The following FUT8 variants were observed in gnomAD, a reference collection of about 807,000 sequenced individuals.
FUT8 encodes alpha-(1,6)-fucosyltransferase.
In FUT8, 29 loss-of-function variants were observed where a neutral mutation model predicts 71.3. The ratio of observed to expected loss-of-function variants is 0.41; its 90% CI spans 0.30 to 0.55. The LOEUF is 0.55. FUT8 is among the 20% of genes least tolerant of loss of function. The pLI, the probability that FUT8 is intolerant of heterozygous loss-of-function variation, is 0.34. For missense variants in FUT8, 544 were observed against 702.1 expected, an observed-to-expected ratio of 0.77 and a Z score of 2.55; for synonymous variants, 254 against 239.3, an observed-to-expected ratio of 1.06 and a Z score of -0.57.
chr14:65,548,237 C>A (rs986767517), intron 2 of FUT8, among the ~76,000 whole-genome samples: 1 of 151,828 alleles, frequency 6.6e-6, no homozygotes, highest in African/African-American at 2.4e-5. Context: ...ATAATCATCC[C>A]CTCCTTGTAC....
intron 9 of FUT8, among the ~76,000 whole-genome samples, chr14:65,727,552 T>C (rs751483291): frequency 2.0e-5 from 3 of 152,138 alleles, no homozygotes; most frequent in Non-Finnish European, 2.9e-5. Context: ...GTCCCTAGAC[T>C]GAACACAGCA....
intron 8 of FUT8, among the ~76,000 whole-genome samples, chr14:65,722,951 G>T (rs1178520668): frequency 6.6e-6 from 1 of 152,074 alleles, no homozygotes; most frequent in African/African-American, 2.4e-5. Flanking sequence ...AATTTGGGGG[G>T]AGGGGAAGGC....
intron 9 of FUT8, among the ~76,000 whole-genome samples, chr14:65,725,121 T>C (rs1041548065): frequency 3.0e-4 from 46 of 152,184 alleles, no homozygotes; most frequent in Non-Finnish European, 6.2e-4. Flanking sequence ...CTTATAATAA[T>C]TTGTGGAATT....
chr14:65,374,088 G>A, the FUT8 span, among the ~76,000 whole-genome samples: 1 of 152,174 alleles, frequency 6.6e-6, no homozygotes. Flanking sequence ...TCTCAGACTC[G>A]TTGATCTGTT....
chr14:65,536,884 C>A (rs555679623), intron 2 of FUT8, among the ~76,000 whole-genome samples: 1 of 151,952 alleles, frequency 6.6e-6, no homozygotes, highest in Non-Finnish European at 1.5e-5. Context: ...TCAAGGATGC[C>A]GATGAGTTGT....
chr14:65,534,459 T>C (rs1410716225), intron 2 of FUT8, among the ~76,000 whole-genome samples: 2 of 152,104 alleles, frequency 1.3e-5, no homozygotes, highest in East Asian at 3.9e-4. Flanking sequence ...CTCAATTTTT[T>C]TGTAATAGTT....
At chr14:65,563,501 G>A (rs1886026685) in intron 3 of FUT8, among the ~76,000 whole-genome samples, 1 of 151,896 alleles carries the variant, frequency 6.6e-6, no homozygotes, top group Admixed American at 6.6e-5. Flanking sequence ...TAACTGTATT[G>A]CCTTCCTGAG....
chr14:65,554,400 G>C (rs936754761), intron 2 of FUT8, among the ~76,000 whole-genome samples: 34 of 139,064 alleles, frequency 2.4e-4, no homozygotes, highest in Admixed American at 1.0e-3. Flanking sequence ...CTATGGTTTG[G>C]GTTTTTTTTT....
chr14:65,533,490 T>G (rs1594746560), intron 2 of FUT8, among the ~76,000 whole-genome samples: 1 of 152,194 alleles, frequency 6.6e-6, no homozygotes, highest in African/African-American at 2.4e-5. Flanking sequence ...GTAGTGATTT[T>G]TGTACATTTA....
chr14:65,465,259 C>T (rs1264033374), intron 2 of FUT8, among the ~76,000 whole-genome samples: 1 of 152,114 alleles, frequency 6.6e-6, no homozygotes, highest in Non-Finnish European at 1.5e-5. Context: ...TTTTACCTTT[C>T]TTCTTTTTTA....
chr14:65,464,268 T>TTG (rs1187996886), intron 2 of FUT8, among the ~76,000 whole-genome samples: 2 of 150,772 alleles, frequency 1.3e-5, no homozygotes, highest in Non-Finnish European at 3.0e-5. Context: ...GGTTTTTTTT[T>TTG]TTTTTTTTTT....
At chr14:65,633,751 C>T (rs1348730263) in intron 6 of FUT8, among the ~76,000 whole-genome samples, 2 of 151,908 alleles carry the variant, frequency 1.3e-5, no homozygotes, top group Non-Finnish European at 2.9e-5. Context: ...AGGCAGCCGC[C>T]CCGTCTGAGA....
intron 6 of FUT8, among the ~76,000 whole-genome samples, chr14:65,655,732 T>C (rs1258513888): frequency 6.6e-6 from 1 of 152,152 alleles, no homozygotes; most frequent in Non-Finnish European, 1.5e-5. Context: ...ATGGAAGCAT[T>C]AGACCGAAAA....
intron 9 of FUT8, among the ~76,000 whole-genome samples, chr14:65,729,034 GTTTTTTTTT>G (rs557668131): frequency 9.6e-6 from 1 of 103,664 alleles, no homozygotes; most frequent in Non-Finnish European, 1.8e-5. Flanking sequence ...TTGTAAACAT[GTTTTTTTTT>G]TTTTTTTTTT....
intron 7 of FUT8, among the ~76,000 whole-genome samples, chr14:65,696,287 A>T (rs188245840): frequency 1.3e-5 from 2 of 152,350 alleles, no homozygotes; most frequent in Non-Finnish European, 2.9e-5. Flanking sequence ...ATTCTTAATT[A>T]TCCTTCAAAA....
intron 6 of FUT8, among the ~76,000 whole-genome samples, chr14:65,655,289 C>T (rs1253362680): frequency 2.6e-5 from 4 of 151,458 alleles, no homozygotes; most frequent in South Asian, 2.1e-4. Context: ...CTGGCTAACA[C>T]GGTGAAACCC....
At chr14:65,681,427 A>C (rs1325064525) in intron 7 of FUT8, among the ~76,000 whole-genome samples, 1 of 152,236 alleles carries the variant, frequency 6.6e-6, no homozygotes, top group Non-Finnish European at 1.5e-5. Flanking sequence ...AAATTTCACT[A>C]GAATTAATCC....
intron 2 of FUT8, chr14:65,471,076 A>T (rs757582604): frequency 3.2e-5 from 15 of 466,784 alleles, no homozygotes; most frequent in Non-Finnish European, 8.8e-6. Context: ...CCTGTGTTGT[A>T]CAAGAGCTGT....
intron 2 of FUT8, among the ~76,000 whole-genome samples, chr14:65,514,536 A>G (rs1415875472): frequency 6.6e-6 from 1 of 152,204 alleles, no homozygotes; most frequent in South Asian, 2.1e-4. Flanking sequence ...TGAGGGTCTT[A>G]TCTTAGCTAC....
Sources: allele counts gnomAD v4.1 joint callset (sites outside exome capture counted in the v4.1 genomes callset), GRCh38; gene constraint gnomAD v4.1.1; transcripts MANE v1.5; gene names NCBI Gene and HGNC (gene_info 2026-07-23, HGNC 2026-07-21).